SLC24A2: variants seen among roughly 807,000 people sequenced by gnomAD.
The protein encoded by SLC24A2 is sodium/potassium/calcium exchanger 2.
SLC24A2 carries 36 observed loss-of-function variants against 62.0 expected under a neutral mutation model. The observed-to-expected ratio is 0.58, with a 90% CI of 0.44 to 0.77. The LOEUF is 0.77. Ranked by LOEUF, SLC24A2 falls within the 30% of genes least tolerant of loss-of-function variation. SLC24A2 has a pLI of 0.00. For missense variants in SLC24A2, 846 were observed against 817.9 expected (o/e 1.03, Z -0.42); for synonymous variants, 358 against 294.0 (o/e 1.22, Z -2.23).
At chr9:20,164,747 A>C in the SLC24A2 span, among the ~76,000 whole-genome samples, 24 of 151,860 alleles carry the variant, frequency 1.6e-4, no homozygotes, top group Non-Finnish European at 3.5e-4. Context: ...ATGTCCAACA[A>C]TGATAGACTG....
chr9:19,796,681 C>G, the SLC24A2 span, among the ~76,000 whole-genome samples: 1 of 152,198 alleles, frequency 6.6e-6, no homozygotes, highest in Non-Finnish European at 1.5e-5. Context: ...ATTTTTAAGG[C>G]AATCCTTTCT....
At chr9:19,763,328 C>T (rs1291416520) in intron 2 of SLC24A2, among the ~76,000 whole-genome samples, 3 of 152,142 alleles carry the variant, frequency 2.0e-5, no homozygotes, top group Non-Finnish European at 4.4e-5. Flanking sequence ...TGCCTAATTG[C>T]CCTGGCCAGA....
chr9:19,948,830 A>G, the SLC24A2 span, among the ~76,000 whole-genome samples: 6 of 133,916 alleles, frequency 4.5e-5, no homozygotes, highest in South Asian at 2.7e-4. Context: ...GGGCAACAGA[A>G]CGAGACTCCG....
At chr9:19,906,636 T>A in the SLC24A2 span, among the ~76,000 whole-genome samples, 1 of 151,946 alleles carries the variant, frequency 6.6e-6, no homozygotes, top group Non-Finnish European at 1.5e-5. Context: ...TAAAAAATGA[T>A]AAAGGGGATA....
chr9:19,683,504 T>C (rs1819783880), intron 2 of SLC24A2, among the ~76,000 whole-genome samples: 1 of 152,042 alleles, frequency 6.6e-6, no homozygotes, highest in Non-Finnish European at 1.5e-5. Flanking sequence ...TCATTTCACA[T>C]TCAGTGTCCT....
At chr9:19,574,972 T>C (rs1372359254) in intron 6 of SLC24A2, among the ~76,000 whole-genome samples, 4 of 152,148 alleles carry the variant, frequency 2.6e-5, no homozygotes, top group East Asian at 1.9e-4. Flanking sequence ...GCTTTTTTTT[T>C]CCTAGCAACT....
chr9:20,283,832 C>T, the SLC24A2 span, among the ~76,000 whole-genome samples: 1 of 151,826 alleles, frequency 6.6e-6, no homozygotes, highest in Non-Finnish European at 1.5e-5. Context: ...TTCCCGCATG[C>T]GCAATGCTTT....
chr9:20,250,507 T>C, the SLC24A2 span, among the ~76,000 whole-genome samples: 2,274 of 152,248 alleles, frequency 0.015, 61 homozygotes, highest in African/African-American at 0.052. Flanking sequence ...AATCTCTCTG[T>C]TGCTCAGACA....
At chr9:19,595,613 G>A (rs1199469714) in intron 5 of SLC24A2, among the ~76,000 whole-genome samples, 1 of 152,188 alleles carries the variant, frequency 6.6e-6, no homozygotes, top group Non-Finnish European at 1.5e-5. Flanking sequence ...ATTGGAAGTA[G>A]AATTTGCATC....
At chr9:19,594,297 T>G (rs977373414) in intron 5 of SLC24A2, among the ~76,000 whole-genome samples, 1 of 152,114 alleles carries the variant, frequency 6.6e-6, no homozygotes, top group Non-Finnish European at 1.5e-5. Context: ...CCCTTTACTC[T>G]TATTTCCCCA....
At chr9:20,121,634 GTC>G in the SLC24A2 span, among the ~76,000 whole-genome samples, 3 of 152,198 alleles carry the variant, frequency 2.0e-5, no homozygotes, top group East Asian at 5.8e-4. Flanking sequence ...TACCGGGAAT[GTC>G]CATTTTTTCC....
chr9:20,108,312 T>C, the SLC24A2 span, among the ~76,000 whole-genome samples: 17 of 152,168 alleles, frequency 1.1e-4, no homozygotes, highest in South Asian at 3.5e-3. Flanking sequence ...GATCTAAAAC[T>C]AGAAATACCA....
the SLC24A2 span, among the ~76,000 whole-genome samples, chr9:20,251,023 G>A: frequency 9.2e-5 from 14 of 152,154 alleles, no homozygotes; most frequent in Non-Finnish European, 1.9e-4. Flanking sequence ...TCCAGTGTTC[G>A]CTTCCTCCAG....
At chr9:19,911,419 T>C in the SLC24A2 span, among the ~76,000 whole-genome samples, 4 of 152,178 alleles carry the variant, frequency 2.6e-5, no homozygotes, top group Non-Finnish European at 5.9e-5. Context: ...TTATAGTCCT[T>C]TGGGTATATA....
chr9:20,289,061 C>A, the SLC24A2 span, among the ~76,000 whole-genome samples: 2 of 152,066 alleles, frequency 1.3e-5, no homozygotes, highest in Non-Finnish European at 2.9e-5. Flanking sequence ...TTCAGTCACC[C>A]CAGCTGACAT....
chr9:19,762,294 C>T (rs547902317), intron 2 of SLC24A2, among the ~76,000 whole-genome samples: 1 of 152,300 alleles, frequency 6.6e-6, no homozygotes, highest in South Asian at 2.1e-4. Context: ...TTTTGCTCTG[C>T]AGAAGCTCTT....
the SLC24A2 span, among the ~76,000 whole-genome samples, chr9:19,798,766 C>T: frequency 6.6e-6 from 1 of 152,148 alleles, no homozygotes; most frequent in Non-Finnish European, 1.5e-5. Context: ...AGTTCTGTAA[C>T]ACAAATGGCA....
the SLC24A2 span, among the ~76,000 whole-genome samples, chr9:20,138,812 A>AG: frequency 6.6e-6 from 1 of 152,238 alleles, no homozygotes; most frequent in East Asian, 1.9e-4. Flanking sequence ...TGTGTCGGAA[A>AG]GAAGAATCCT....
chr9:19,635,137 C>G (rs1392370944), intron 2 of SLC24A2, among the ~76,000 whole-genome samples: 1 of 152,172 alleles, frequency 6.6e-6, no homozygotes, highest in Non-Finnish European at 1.5e-5. Context: ...TCTGGAAGTC[C>G]TCACTGCGTT....
Sources: allele counts gnomAD v4.1 joint callset (sites outside exome capture counted in the v4.1 genomes callset), GRCh38; gene constraint gnomAD v4.1.1; transcripts MANE v1.5; gene names NCBI Gene and HGNC (gene_info 2026-07-23, HGNC 2026-07-21).